USP36: variants seen among roughly 807,000 people sequenced by gnomAD.
USP36 encodes the protein ubiquitin specific peptidase 36, also known as ubiquitin carboxyl-terminal hydrolase 36.
In USP36, 59 loss-of-function variants were observed where a neutral mutation model predicts 111.5. The ratio of observed to expected loss-of-function variants is 0.53; its 90% confidence interval spans 0.43 to 0.66. The LOEUF is 0.66. Ranked by LOEUF, USP36 falls within the 30% of genes least tolerant of loss-of-function variation. The pLI is 0.00. For missense variants in USP36, 1,488 were observed against 1,468.0 expected (o/e 1.01, Z -0.22); for synonymous variants, 628 against 581.0 (o/e 1.08, Z -1.16).
In USP36 at chr17:78,836,315, C is replaced by T. The variant is rs769475840; in HGVS notation, c.49G>A (p.Asp17Asn). 6.2e-7 allele frequency: 1 copy of T among 1,614,182 alleles called. No homozygotes were observed. The highest frequency in any genetic ancestry group is 1.6e-4 in the Middle Eastern group (1 of 6,062). Residue 17 changes from aspartate (D) to asparagine (N), a missense_variant, in exon 3 of 21, where the codon GAC becomes AAC. Coordinates refer to ENST00000449938, the MANE Select transcript of USP36 (RefSeq NM_001385174.1). ...CCCAGTTCTCCATCATCAGCCGAGT[C>T]CTTGCGGCCGGGTTTCAGGGCCTCC... ...LKEALKPGRK[D>N]SADDGELGKL...
At position 78,788,857 on chromosome 17, in the gene USP36, G is replaced by A. The variant is rs113337240; in HGVS notation, c.*21-1199C>T. On this transcript the variant is annotated intron_variant, in intron 3 of 3. Transcript: ENST00000588130. ...GCTGCCTCTTGCCAGAGGTGGGGAC[G>A]GGAGGGACACTGAGGACTGAGATGT... Among the ~76,000 whole-genome samples the A allele has an allele frequency of 8.9e-3, 1,357 of 152,200 alleles. 26 individuals carry two copies. The highest frequency in any genetic ancestry group is 0.03 in the African/African-American group (1,240 of 41,530).
intron 4 of USP36, among the ~76,000 whole-genome samples, chr17:78,829,756 T>A (rs1297066690): frequency 3.3e-5 from 5 of 152,228 alleles, no homozygotes. Context: ...TGGTCCTTTT[T>A]TTTTGAGACA....
At chr17:78,799,569 C>T (rs550912511) in intron 18 of USP36, 98 bp downstream of exon 18, 49 of 1,107,870 alleles carry the variant, frequency 4.4e-5, no homozygotes, top group Middle Eastern at 2.0e-4. Context: ...GATGCCCGCC[C>T]GCCACACTCA....
chr17:78,831,494 T>A (rs1415006432), intron 4 of USP36, among the ~76,000 whole-genome samples: 1 of 151,650 alleles, frequency 6.6e-6, no homozygotes, highest in Non-Finnish European at 1.5e-5. Flanking sequence ...TCACCTGTAA[T>A]CCCAGCTACT....
intron 6 of USP36, chr17:78,826,667 T>C (rs1672892612): frequency 5.6e-6 from 1 of 177,148 alleles, no homozygotes; most frequent in South Asian, 1.3e-4. Flanking sequence ...TCTGAACCTA[T>C]GAACTCAGGA....
chr17:78,790,594 T>A (rs2093575407), intron 3 of USP36, among the ~76,000 whole-genome samples: 1 of 152,172 alleles, frequency 6.6e-6, no homozygotes, highest in African/African-American at 2.4e-5. Context: ...CCTGGCCTTT[T>A]TTGGCTGGTC....
intron 17 of USP36, 108 bp from the exon 18 acceptor site, chr17:78,799,876 CCTT>C: frequency 5.0e-5 from 10 of 201,650 alleles, no homozygotes; most frequent in South Asian, 2.1e-4. Flanking sequence ...TGGATGCTTG[CCTT>C]TTTTTTTTTT....
rs149121986 is a variant in USP36 at position 78,823,047 on chromosome 17, G to A, written c.690-1043C>T. On this transcript the variant is annotated intron_variant, in intron 6 of 20. Coordinates refer to ENST00000449938, the MANE Select transcript of USP36 (RefSeq NM_001385174.1). ...CACCCAGACCATTCCACACCCGCAG[G>A]CTACACTTCCCCTCCCACAGAACAT... The A allele has an allele frequency of 9.2e-4, 365 of 398,406 alleles. 3 individuals are homozygous for A. Among genetic ancestry groups the A allele is most frequent in the African/African-American group, 7.0e-3 (341 of 48,622 alleles). The allele number at this position is 398,406 out of a possible 1,614,324, so 24.7% of individuals were successfully genotyped here. A position where few individuals can be genotyped will look rare whatever the true frequency, so the allele number is the denominator to read the frequency against.
intron 2 of USP36, among the ~76,000 whole-genome samples, chr17:78,837,394 G>A (rs1462741147): frequency 3.3e-5 from 5 of 152,014 alleles, no homozygotes; most frequent in South Asian, 2.1e-4. Context: ...TGGTGGCCCC[G>A]GGAGGTTCTA....
chr17:78,819,041 T>C (rs948346677), intron 9 of USP36: 3 of 285,928 alleles, frequency 1.0e-5, no homozygotes, highest in Non-Finnish European at 2.0e-5. Flanking sequence ...GGAAACTAAA[T>C]AAAATACAGG....
upstream of USP36, chr17:78,841,143 G>A (rs1010581403): frequency 6.6e-6 from 1 of 152,246 alleles, no homozygotes; most frequent in African/African-American, 2.4e-5. Flanking sequence ...GCGGACGCCT[G>A]AAGTGTGACA....
Position 78,803,297 on chromosome 17 carries a change from C to T in USP36, c.2810+88G>A. The T allele has an allele frequency of 7.0e-7, 1 of 1,427,400 alleles. No homozygotes were observed. Among genetic ancestry groups the T allele is most frequent in the Non-Finnish European group, 9.6e-7 (1 of 1,041,636 alleles). 88.4% of individuals were successfully genotyped at this position (1,427,400 alleles called of 1,614,324 possible). ...AAACCACGCAAGCAGACTACGTTTC[C>T]AGACCATACCTACTTGGGGGTAGAT... On this transcript the variant is annotated intron_variant, in intron 16 of 20. Transcript: ENST00000449938. The surrounding 1 kb of genome is among the most constrained non-coding windows in gnomAD (Gnocchi z 4.6).
In USP36 at chr17:78,802,456, C is replaced by T. The variant is rs2093777661; in HGVS notation, c.2890G>A (p.Glu964Lys). Residue 964 changes from glutamate (E) to lysine (K), a missense_variant, in exon 17 of 21, where the codon GAG (glutamate) becomes AAG (lysine). Coordinates refer to ENST00000449938, the MANE Select transcript of USP36 (RefSeq NM_001385174.1). ...RKKKKKKRKQ[E>K]TQRAVEEDGH... The stretch of plus-strand genomic sequence containing the variant: ...TCCTCTTCTACTGCCCGCTGTGTCT[C>T]CTGCTTTCTTTTTTTCTTTTTCTTT... 3 of 1,597,408 alleles carry T rather than the reference C, an allele frequency of 1.9e-6. No homozygotes were observed. Among genetic ancestry groups the T allele is most frequent in the Non-Finnish European group, 8.5e-7 (1 of 1,171,098 alleles).
intron 7 of USP36, 24 bp from the exon 8 acceptor site, chr17:78,821,085 A>G (rs778590485): frequency 6.3e-7 from 1 of 1,583,054 alleles, no homozygotes. Context: ...GAGGCAGTGG[A>G]GCAGGTGGGG....
chr17:78,833,921 C>A (rs758532602), intron 4 of USP36, among the ~76,000 whole-genome samples: 1 of 151,968 alleles, frequency 6.6e-6, no homozygotes, highest in Non-Finnish European at 1.5e-5. Flanking sequence ...TTTGGAAGAA[C>A]GTGTAAAGGA....
intron 15 of USP36, among the ~76,000 whole-genome samples, chr17:78,805,693 C>T (rs1567919833): frequency 6.6e-6 from 1 of 152,178 alleles, no homozygotes; most frequent in Non-Finnish European, 1.5e-5. Flanking sequence ...CAGAGGAACC[C>T]GAGAGCCCTG....
Position 78,812,683 on chromosome 17 carries a change from C to T in USP36, c.1407+177G>A, listed in dbSNP as rs369144215. 6.4e-4 allele frequency among the ~76,000 whole-genome samples: 81 copies of T among 127,232 alleles called. 1 individual carries two copies. The East Asian group carries it at 9.7e-3, about 15-fold the overall frequency. The allele number at this position is 127,232 out of a possible 152,430, so 83.5% of individuals were successfully genotyped here. On this transcript the variant is annotated intron_variant, in intron 13 of 20. Coordinates refer to ENST00000449938, the MANE Select transcript of USP36 (RefSeq NM_001385174.1). ...CTGCACCCCAGCCTGGATGACAGAG[C>T]GAGACTCTGTCTCGAAAAAAAAAAA...
chr17:78,819,839 A>G, intron 9 of USP36, 91 bp downstream of exon 9: 4 of 1,349,460 alleles, frequency 3.0e-6, no homozygotes, highest in Non-Finnish European at 4.2e-6. Context: ...GGTCACCGCT[A>G]AGGAAGAGTG....
chr17:78,798,881 G>A lies in USP36; in HGVS notation c.3240+27C>T. The A allele has an allele frequency of 6.2e-7, 1 of 1,612,592 alleles. No homozygotes were observed. The highest frequency in any genetic ancestry group is 8.5e-7 in the Non-Finnish European group (1 of 1,178,874). On this transcript the variant is annotated intron_variant, in intron 19 of 20. Transcript: ENST00000449938. This position sits in a 1 kb window ranked among gnomAD's most constrained non-coding sequence, Gnocchi z 5.1. ...GAGCCACGCCGCCCTGCTCCCTCAAGCCTGTGGTCAGCATCACACATCATA... is the reference window on the plus strand; with the variant it reads ...GAGCCACGCCGCCCTGCTCCCTCAAACCTGTGGTCAGCATCACACATCATA...
Sources: allele counts gnomAD v4.1 joint callset (sites outside exome capture counted in the v4.1 genomes callset), GRCh38; gene constraint gnomAD v4.1.1; non-coding constraint Gnocchi (gnomAD v3.1); transcripts MANE v1.5; gene names NCBI Gene and HGNC (gene_info 2026-07-23, HGNC 2026-07-21).